The following DSC3 variants were observed in gnomAD, a reference collection of about 807,000 sequenced individuals.
DSC3 encodes desmocollin-3.
A neutral mutation model predicts 89.5 loss-of-function variants in DSC3; 97 were observed. The ratio of observed to expected loss-of-function variants is 1.08; its 90% CI spans 0.92 to 1.28. The LOEUF (loss-of-function observed/expected upper bound fraction) is 1.28, where lower values mean the gene tolerates loss of function less well. DSC3 is among the 50% of genes most tolerant of loss of function. The pLI, the probability that DSC3 is intolerant of heterozygous loss-of-function variation, is 0.00. For missense variants in DSC3, 1,199 were observed against 1,085.3 expected, an observed-to-expected ratio of 1.10 and a Z score of -1.47; for synonymous variants, 436 against 384.1, an observed-to-expected ratio of 1.14 and a Z score of -1.58.
intron 1 of DSC3, among the ~76,000 whole-genome samples, chr18:31,039,751 C>A (rs1446518921): frequency 6.6e-6 from 1 of 152,090 alleles, no homozygotes; most frequent in Non-Finnish European, 1.5e-5. Flanking sequence ...TGTGCATGAG[C>A]TTACATTTAT....
chr18:31,041,553 G>A (rs1425804619), intron 1 of DSC3, among the ~76,000 whole-genome samples: 1 of 152,184 alleles, frequency 6.6e-6, no homozygotes, highest in Non-Finnish European at 1.5e-5. Flanking sequence ...CACTGCCGAC[G>A]CGGGTATAGA....
At position 30,989,371 on chromosome 18, in the gene DSC3, C is replaced by T. The variant is rs1257778686; in HGVS notation, c.*4804G>A. Among the ~76,000 whole-genome samples, 2 of 152,050 alleles carry T rather than the reference C, an allele frequency of 1.3e-5. No individual in the cohort carries two copies. Among genetic ancestry groups the T allele is most frequent in the Non-Finnish European group, 2.9e-5 (2 of 68,000 alleles). On this transcript the variant is annotated 3_prime_UTR_variant, in exon 16 of 16. Transcript: ENST00000360428. ...CCAGACACACAAGGCCACATATGTA[C>T]GATTTCATTTATATGAATGTCCAGA... is the stretch of plus-strand genomic sequence containing the variant.
rs1244366888 is a variant in DSC3, at chr18:30,991,095, C to G, written c.*3080G>C. The G allele has an allele frequency of 6.6e-6, 1 of 152,540 alleles. No individual in the cohort carries two copies. 9.4% of individuals were successfully genotyped at this position (152,540 alleles called of 1,614,324 possible). A position where few individuals can be genotyped will look rare whatever the true frequency, so the allele number is the denominator to read the frequency against. Reference sequence around the variant, plus strand: ...TTAATATTGTTTTATTACATCTCCCCACATCTGTAAATATTACTTTACGCA... The same window carrying G: ...TTAATATTGTTTTATTACATCTCCCGACATCTGTAAATATTACTTTACGCA... On this transcript the variant is annotated 3_prime_UTR_variant, in exon 16 of 16. Transcript: ENST00000360428.
intron 1 of DSC3, among the ~76,000 whole-genome samples, chr18:31,041,001 T>TAA (rs1567964377): frequency 6.6e-6 from 1 of 150,982 alleles, no homozygotes; most frequent in Admixed American, 6.6e-5. Context: ...CGGAATTATT[T>TAA]TAAAAAAAAA....
In DSC3 at chr18:31,018,529, T is replaced by C. The variant is rs528079110; in HGVS notation, c.1077+137A>G. 2.0e-4 allele frequency: 211 copies of C among 1,048,966 alleles called. No individual in the cohort carries two copies. In the African/African-American group the frequency reaches 2.7e-3, roughly 14 times the overall value. The allele number at this position is 1,048,966 out of a possible 1,614,324, so 65.0% of individuals were successfully genotyped here. A position where few individuals can be genotyped will look rare whatever the true frequency, so the allele number is the denominator to read the frequency against. ...ATAAAATAAATTTACATATCACTTG[T>C]TTAAACTTTAATTTTATTCATAAAA... On this transcript the variant is annotated intron_variant, in intron 8 of 15. Transcript: ENST00000360428.
rs1461271531 is a variant in DSC3, at chr18:31,030,920, TAA to T, written c.354+51_354+52del. On this transcript the variant is annotated intron_variant, in intron 3 of 15. Coordinates refer to ENST00000360428, the MANE Select transcript of DSC3 (RefSeq NM_001941.5). ...CCTTGTTTCTCTTTGCAATTTTTAA[TAA>T]GAGTATTTTAATGAAAAAATGACTG... 49 of 1,480,120 alleles carry T rather than the reference TAA, an allele frequency of 3.3e-5. 1 individual carries two copies. The highest frequency in any genetic ancestry group is 4.7e-5 in the South Asian group (4 of 85,698). 91.7% of individuals were successfully genotyped at this position (1,480,120 alleles called of 1,614,324 possible).
chr18:31,041,879 G>A (rs1326668492), intron 1 of DSC3, among the ~76,000 whole-genome samples: 1 of 151,824 alleles, frequency 6.6e-6, no homozygotes, highest in Admixed American at 6.6e-5. Context: ...CCCCACCACT[G>A]TCACCCTCTA....
intron 3 of DSC3, among the ~76,000 whole-genome samples, 194 bp from the exon 4 acceptor site, chr18:31,029,822 G>T (rs1351901422): frequency 6.6e-6 from 1 of 152,084 alleles, no homozygotes; most frequent in Non-Finnish European, 1.5e-5. Flanking sequence ...GATTTTAAAG[G>T]TTTCAAGAAA....
chr18:31,034,120 C>T (rs1285803309), intron 1 of DSC3, among the ~76,000 whole-genome samples: 1 of 152,082 alleles, frequency 6.6e-6, no homozygotes, highest in African/African-American at 2.4e-5. Flanking sequence ...CCACCGCGCC[C>T]GGCCTGAAGA....
chr18:30,995,445 C>T (rs1598595129), intron 15 of DSC3, among the ~76,000 whole-genome samples: 4 of 152,312 alleles, frequency 2.6e-5, no homozygotes, highest in Admixed American at 2.6e-4. Context: ...CATTTGCATT[C>T]CATTCAAGGA....
rs1461723635 is a variant in DSC3 at position 31,029,593 on chromosome 18, G to C, written c.390C>G (p.Leu130=). 1.2e-6 allele frequency: 2 copies of C among 1,613,846 alleles called. No homozygotes were observed. The highest frequency in any genetic ancestry group is 4.5e-5 in the East Asian group (2 of 44,864). The part of the protein sequence containing the change: ...SKTRHTRETV[L]RRAKRRWAPI... Reference sequence around the variant, plus strand: ...GTGCCCATCTCCTCTTGGCACGCCTGAGAACAGTTTCTCTAGTGTGTCTTG... The same window carrying C: ...GTGCCCATCTCCTCTTGGCACGCCTCAGAACAGTTTCTCTAGTGTGTCTTG... The change falls in exon 4 of 16, where the codon CTC becomes CTG. Residue 130 remains leucine (L), a synonymous_variant. Coordinates refer to ENST00000360428, the MANE Select transcript of DSC3 (RefSeq NM_001941.5).
intron 14 of DSC3, 136 bp from the exon 15 acceptor site, chr18:30,997,184 T>G (rs1984505346): frequency 8.9e-7 from 1 of 1,129,354 alleles, no homozygotes. Context: ...CATTTATCAG[T>G]TTCTAATTAT....
At chr18:30,997,337 C>T (rs1444601284) in intron 14 of DSC3, among the ~76,000 whole-genome samples, 1 of 152,084 alleles carries the variant, frequency 6.6e-6, no homozygotes. Context: ...TTGGCGAGGG[C>T]CCATCCCATG....
At chr18:31,004,925 T>C (rs1381032682) in intron 12 of DSC3, among the ~76,000 whole-genome samples, 1 of 152,176 alleles carries the variant, frequency 6.6e-6, no homozygotes, top group African/African-American at 2.4e-5. Context: ...ACAATTCACT[T>C]TTATCAACTC....
At chr18:31,018,888 A>G (rs1985325424) in intron 7 of DSC3, 88 bp from the exon 8 acceptor site, 2 of 1,174,906 alleles carry the variant, frequency 1.7e-6, no homozygotes, top group African/African-American at 1.7e-5. Flanking sequence ...ACTCACTCAC[A>G]TACACACACA....
At chr18:31,025,938 C>CA (rs770718934) in intron 4 of DSC3, 23 bp from the exon 5 acceptor site, 11 of 1,602,760 alleles carry the variant, frequency 6.9e-6, no homozygotes, top group African/African-American at 1.3e-5. Flanking sequence ...AAAAAATATG[C>CA]AAAAAAATTA....
chr18:31,021,656 T>A (rs1336611537), intron 7 of DSC3, among the ~76,000 whole-genome samples: 5 of 152,170 alleles, frequency 3.3e-5, no homozygotes, highest in African/African-American at 1.2e-4. Flanking sequence ...CCTTAGTCAA[T>A]AATGCATGAT....
At chr18:30,994,648 T>C (rs918218629) in intron 15 of DSC3, 2 of 528,496 alleles carry the variant, frequency 3.8e-6, no homozygotes, top group South Asian at 1.8e-5. Flanking sequence ...TGCTTATCCC[T>C]AAATTTTATA....
chr18:30,994,139 A>C lies in DSC3; in HGVS notation c.*36T>G. 1.3e-6 allele frequency: 2 copies of C among 1,594,696 alleles called. No homozygotes were observed. The highest frequency in any genetic ancestry group is 8.6e-7 in the Non-Finnish European group (1 of 1,162,530). On this transcript the variant is annotated 3_prime_UTR_variant, in exon 16 of 16. Coordinates refer to ENST00000360428, the MANE Select transcript of DSC3 (RefSeq NM_001941.5). ...CAATATTATTTTTGGAAACCTCCAG[A>C]ATGTCTGACAAAGACCTAATTGTAG...
Sources: gnomAD v4.1 joint callset for allele counts (sites outside exome capture counted in the v4.1 genomes callset) on GRCh38, gnomAD v4.1.1 for gene constraint, MANE v1.5 for transcripts, NCBI Gene and HGNC (gene_info 2026-07-23, HGNC 2026-07-21) for gene names.